TESC: variants seen among roughly 807,000 people sequenced by gnomAD.
TESC encodes tescalcin.
TESC carries 19 observed loss-of-function variants against 31.0 expected under a neutral mutation model. The ratio of observed to expected loss-of-function variants is 0.61; its 90% CI spans 0.43 to 0.90. The LOEUF (loss-of-function observed/expected upper bound fraction) is 0.90. Among genes scored for constraint, TESC ranks in the 40% least tolerant of loss-of-function variants. The probability of loss-of-function intolerance (pLI) is 0.00; values close to 1 mark genes in which losing one functional copy is unlikely to be tolerated. For missense variants in TESC, 248 were observed against 303.8 expected (o/e 0.82, Z 1.36); for synonymous variants, 109 against 114.8 (o/e 0.95, Z 0.32).
chr12:117,090,140 C>T (rs1955287045), intron 1 of TESC, among the ~76,000 whole-genome samples: 1 of 151,758 alleles, frequency 6.6e-6, no homozygotes, highest in Non-Finnish European at 1.5e-5. Flanking sequence ...AAGTTTACAA[C>T]TCACAGAGCC....
chr12:117,056,088 T>G (rs1289509226), intron 3 of TESC, among the ~76,000 whole-genome samples: 1 of 152,036 alleles, frequency 6.6e-6, no homozygotes, highest in Non-Finnish European at 1.5e-5. Flanking sequence ...ACCCAGCTAA[T>G]TTTTGTATTT....
Position 117,056,861 on chromosome 12 carries a change from C to A in TESC, c.154G>T (p.Asp52Tyr). Residue 52 changes from aspartate (D) to tyrosine (Y), a missense_variant, in exon 3 of 8, where the codon GAC (aspartate) becomes TAC (tyrosine). Coordinates refer to ENST00000335209, the MANE Select transcript of TESC (RefSeq NM_017899.4). Reference protein sequence around the residue: ...IRKENFNNVPDLELNPIRSKI... With the variant: ...IRKENFNNVPYLELNPIRSKI... Reference sequence around the variant, plus strand: ...GATCGGATGGGGTTGAGCTCCAGGTCCGGGACATTGTTGAAGTTCTCCTTG... The same window carrying A: ...GATCGGATGGGGTTGAGCTCCAGGTACGGGACATTGTTGAAGTTCTCCTTG... 6.2e-7 allele frequency: 1 copy of A among 1,614,134 alleles called. No homozygotes were observed. The highest frequency in any genetic ancestry group is 8.5e-7 in the Non-Finnish European group (1 of 1,180,016).
At chr12:117,073,050 C>T (rs1182917730) in intron 2 of TESC, among the ~76,000 whole-genome samples, 1 of 152,200 alleles carries the variant, frequency 6.6e-6, no homozygotes, top group Non-Finnish European at 1.5e-5. Context: ...TTCCAGCATC[C>T]AGTGTCCATA....
At chr12:117,049,243 C>A in intron 3 of TESC, 85 bp from the exon 4 acceptor site, 1 of 1,576,562 alleles carries the variant, frequency 6.3e-7, no homozygotes, top group Non-Finnish European at 8.6e-7. Context: ...GAGAACTCCG[C>A]TCTCAGGGTG....
In TESC at chr12:117,075,973, A is replaced by G. The variant is rs867354512; in HGVS notation, c.59-633T>C. ...TACATATATATATATATATGTATGT[A>G]TATATATATATATTTTTTTTTTTTA... On this transcript the variant is annotated intron_variant, in intron 1 of 7. Transcript: ENST00000335209. Among the ~76,000 whole-genome samples, 807 of 116,376 alleles carry G rather than the reference A, an allele frequency of 6.9e-3. 44 individuals are homozygous for G. Among genetic ancestry groups the G allele is most frequent in the African/African-American group, 0.024 (663 of 27,282 alleles). The allele number at this position is 116,376 out of a possible 152,430, so 76.3% of individuals were successfully genotyped here.
intron 1 of TESC, chr12:117,098,803 C>T (rs1955430718): frequency 6.3e-6 from 1 of 157,764 alleles, no homozygotes; most frequent in African/African-American, 2.4e-5. Flanking sequence ...GACCTGTTCC[C>T]ACCCAGGTCC....
chr12:117,053,085 G>A (rs796966285), intron 3 of TESC, among the ~76,000 whole-genome samples: 9 of 152,294 alleles, frequency 5.9e-5, no homozygotes, highest in African/African-American at 2.2e-4. Flanking sequence ...CGCGCCTGGA[G>A]TCCCCCTGAG....
intron 2 of TESC, among the ~76,000 whole-genome samples, chr12:117,057,796 C>T (rs760984853): frequency 3.3e-5 from 5 of 152,084 alleles, no homozygotes; most frequent in African/African-American, 9.7e-5. Flanking sequence ...GATGGAGTCT[C>T]GCTCTGCCGC....
intron 2 of TESC, among the ~76,000 whole-genome samples, chr12:117,062,312 C>T (rs776381307): frequency 1.3e-5 from 2 of 152,130 alleles, no homozygotes; most frequent in Non-Finnish European, 2.9e-5. Context: ...ACCTCCACCT[C>T]CTGGGTTCAA....
intron 1 of TESC, among the ~76,000 whole-genome samples, chr12:117,093,161 C>G (rs1227571724): frequency 6.6e-6 from 1 of 152,192 alleles, no homozygotes; most frequent in Non-Finnish European, 1.5e-5. Context: ...GCTCCCCTGT[C>G]CCCCTGGAAC....
chr12:117,075,197 C>T, intron 2 of TESC, 74 bp downstream of exon 2: 1 of 1,484,698 alleles, frequency 6.7e-7, no homozygotes, highest in East Asian at 2.3e-5. Context: ...ACTCAGCACT[C>T]AAGAAAAGAA....
chr12:117,090,375 A>C (rs562706764), intron 1 of TESC, among the ~76,000 whole-genome samples: 1 of 152,362 alleles, frequency 6.6e-6, no homozygotes, highest in Admixed American at 6.5e-5. Context: ...ACATATAAAA[A>C]ATGAAATGAA....
At chr12:117,073,994 T>C in intron 2 of TESC, among the ~76,000 whole-genome samples, 1 of 151,432 alleles carries the variant, frequency 6.6e-6, no homozygotes. Flanking sequence ...GAGGTAGAAA[T>C]GAGGGGACTG....
rs767179467 is a variant in TESC, at chr12:117,046,603, C to T, written c.475G>A (p.Asp159Asn). ...IEKESARSIA[D>N]GAMMEAASVC... is the part of the protein sequence containing the mutation. ...CTGGCCGCCTCCATCATGGCCCCGTCGGCGATGGAGCGAGCGGACTCCTTC... is the reference window on the plus strand; with the variant it reads ...CTGGCCGCCTCCATCATGGCCCCGTTGGCGATGGAGCGAGCGGACTCCTTC... The change falls in exon 6 of 8, where the codon GAC (aspartate) becomes AAC (asparagine). Residue 159 changes from aspartate (D) to asparagine (N), a missense_variant. Asp to Asn is a conservative substitution (Grantham distance 23). Transcript: ENST00000335209. The T allele has an allele frequency of 7.7e-6, 12 of 1,551,328 alleles. No individual in the cohort carries two copies. Among genetic ancestry groups the T allele is most frequent in the East Asian group, 2.4e-5 (1 of 40,906 alleles).
chr12:117,044,098 T>TA (rs1405273592), intron 6 of TESC, among the ~76,000 whole-genome samples: 1 of 151,996 alleles, frequency 6.6e-6, no homozygotes, highest in Non-Finnish European at 1.5e-5. Context: ...ATCTCTTTTT[T>TA]AAAAAACTTT....
intron 1 of TESC, among the ~76,000 whole-genome samples, chr12:117,088,914 C>A (rs1385867752): frequency 6.6e-6 from 1 of 152,184 alleles, no homozygotes; most frequent in African/African-American, 2.4e-5. Flanking sequence ...TGAGGTGGCC[C>A]AGGTGTTAGA....
At chr12:117,085,348 C>T (rs1457532407) in intron 1 of TESC, among the ~76,000 whole-genome samples, 3 of 152,074 alleles carry the variant, frequency 2.0e-5, no homozygotes, top group Non-Finnish European at 2.9e-5. Context: ...CTGAAGTGCC[C>T]GGCAATAGAC....
At chr12:117,068,106 C>T (rs2135776490) in intron 2 of TESC, among the ~76,000 whole-genome samples, 1 of 152,252 alleles carries the variant, frequency 6.6e-6, no homozygotes, top group Non-Finnish European at 1.5e-5. Flanking sequence ...GTTGCCCAGG[C>T]TCGTCCCAAA....
At position 117,056,839 on chromosome 12, in the gene TESC, C is replaced by A; in HGVS notation, c.176G>T (p.Arg59Leu). The A allele has an allele frequency of 6.2e-7, 1 of 1,614,104 alleles. No homozygotes were observed. The highest frequency in any genetic ancestry group is 8.5e-7 in the Non-Finnish European group (1 of 1,180,010). The change falls in exon 3 of 8, where the codon CGA becomes CTA. Residue 59 changes from arginine to leucine, a missense_variant. By Grantham distance (102) the Arg-to-Leu change is moderately radical (BLOSUM62 -2). Transcript: ENST00000335209. ...GAAGAAGGCACGAACAATTTTGGATCGGATGGGGTTGAGCTCCAGGTCCGG... is the reference window on the plus strand; with the variant it reads ...GAAGAAGGCACGAACAATTTTGGATAGGATGGGGTTGAGCTCCAGGTCCGG... ...NVPDLELNPI[R>L]SKIVRAFFDN...
Sources: gnomAD v4.1 joint callset for allele counts (sites outside exome capture counted in the v4.1 genomes callset) on GRCh38, gnomAD v4.1.1 for gene constraint, MANE v1.5 for transcripts, NCBI Gene and HGNC (gene_info 2026-07-23, HGNC 2026-07-21) for gene names.